The following DGKZ variants were observed in gnomAD, a reference collection of about 807,000 sequenced individuals.
The protein encoded by DGKZ is diacylglycerol kinase zeta.
In DGKZ, 45 loss-of-function variants were observed where a neutral mutation model predicts 142.5. The ratio of observed to expected loss-of-function variants is 0.32; its 90% CI spans 0.25 to 0.40. The LOEUF (loss-of-function observed/expected upper bound fraction) is 0.40, where lower values mean the gene tolerates loss of function less well. DGKZ is among the 10% of genes least tolerant of loss of function. The pLI is 1.00. For synonymous variants in DGKZ, 442 were observed against 527.0 expected, an observed-to-expected ratio of 0.84 and a Z score of 2.21; for missense variants, 755 against 1,306.5, an observed-to-expected ratio of 0.58 and a Z score of 6.51.
rs367886121 is a variant in DGKZ, at chr11:46,366,974, G to A, written c.162-317G>A. The A allele has an allele frequency of 5.9e-4, 903 of 1,529,704 alleles. 5 individuals carry two copies. In the African/African-American group the frequency reaches 0.011, roughly 19 times the overall value. The allele number at this position is 1,529,704 out of a possible 1,614,324, so 94.8% of individuals were successfully genotyped here. On this transcript the variant is annotated intron_variant, in intron 1 of 30. Transcript: ENST00000527911. ...GGCGGCCGGACCCCAGGCCTGGAGC[G>A]CCCTGCTCGCGTAGGTATAGCTGTG...
rs1424352354 is a variant in DGKZ at position 46,364,316 on chromosome 11, G to A, written c.162-2975G>A. ...CCTATTCCTTGGGGTTGCAGTTTAT[G>A]AAATGATCTAAGTGTTTGTCAGGGG... On this transcript the variant is annotated intron_variant, in intron 1 of 30. Transcript: ENST00000527911. 1.1e-5 allele frequency: 14 copies of A among 1,255,642 alleles called. No individual in the cohort carries two copies. In the Admixed American group the frequency reaches 3.2e-4, roughly 29 times the overall value. 77.8% of individuals were successfully genotyped at this position (1,255,642 alleles called of 1,614,324 possible).
At chr11:46,371,384 A>G in exon 7 of DGKZ, 1 of 1,613,728 alleles carries the variant, frequency 6.2e-7, no homozygotes, top group Non-Finnish European at 8.5e-7. Flanking sequence ...GCAAGCAGGC[A>G]GTGAGTGGTG....
At chr11:46,370,045 C>G (rs1381164364) in intron 6 of DGKZ, 36 bp downstream of exon 6, 8 of 1,612,026 alleles carry the variant, frequency 5.0e-6, no homozygotes, top group African/African-American at 1.3e-5. Flanking sequence ...GCCACCTGCA[C>G]CTGCGGTCCT....
chr11:46,369,557 G>A lies in DGKZ; in HGVS notation c.501+7G>A, dbSNP rs1374942614. The A allele has an allele frequency of 6.2e-7, 1 of 1,612,298 alleles. No homozygotes were observed. Among genetic ancestry groups the A allele is most frequent in the Non-Finnish European group, 8.5e-7 (1 of 1,179,928 alleles). On this transcript the variant is annotated splice_region_variant and intron_variant, in intron 5 of 30. Transcript: ENST00000527911. The stretch of plus-strand genomic sequence containing the variant: ...CTCCAGGAATGTCCGCGAGGTAAGT[G>A]CCCAGGGTGGTCAGGGATGGGGCCA...
intron 1 of DGKZ, among the ~76,000 whole-genome samples, chr11:46,359,806 C>G (rs577350063): frequency 2.1e-5 from 3 of 141,332 alleles, no homozygotes; most frequent in African/African-American, 5.3e-5. Context: ...TTAGTAGAGA[C>G]GGGGTTTTGC....
chr11:46,378,593 A>G (rs935228501), intron 27 of DGKZ, 93 bp downstream of exon 27: 1 of 1,523,176 alleles, frequency 6.6e-7, no homozygotes, highest in Non-Finnish European at 9.1e-7. Context: ...TGACCTGCTC[A>G]GGTGCTGTCA....
chr11:46,367,380 G>A lies in DGKZ; in HGVS notation c.251G>A (p.Arg84Gln), dbSNP rs1943432197. The A allele has an allele frequency of 3.1e-6, 5 of 1,613,130 alleles. No individual in the cohort carries two copies. The highest frequency in any genetic ancestry group is 1.7e-5 in the Admixed American group (1 of 60,028). Residue 84 changes from arginine (R) to glutamine (Q), a missense_variant, in exon 2 of 31, where the codon CGG becomes CAG. By Grantham distance (43) the Arg-to-Gln change is conservative (BLOSUM62 1). This residue lies in a region of DGKZ where 81 missense variants were observed against 86.5 expected (regional missense o/e 0.94). Coordinates refer to ENST00000527911, the Ensembl canonical transcript of DGKZ. The surrounding 1 kb of genome is among the most constrained non-coding windows in gnomAD (Gnocchi z 4.1). ...TGCAGCGAGTCAGAGCGGCAGATCC[G>A]GAGTACAGTGGACTGGAGCGTGAGT... is the stretch of plus-strand genomic sequence containing the variant.
At chr11:46,369,686 C>A in intron 5 of DGKZ, 136 bp downstream of exon 5, 1 of 1,210,830 alleles carries the variant, frequency 8.3e-7, no homozygotes, top group Non-Finnish European at 1.2e-6. Context: ...TGAGGTCTGC[C>A]ATGCGGAGGC....
At chr11:46,365,622 T>A in intron 1 of DGKZ, 1 of 985,344 alleles carries the variant, frequency 1.0e-6, no homozygotes, top group Non-Finnish European at 1.2e-6. Flanking sequence ...ACCTTCAGCC[T>A]GACCCCAAGG....
intron 25 of DGKZ, chr11:46,377,491 C>T: frequency 4.1e-6 from 2 of 490,404 alleles, no homozygotes; most frequent in Non-Finnish European, 7.0e-6. Flanking sequence ...TCCTCCCCAC[C>T]CCTACTGCCA....
intron 1 of DGKZ, among the ~76,000 whole-genome samples, chr11:46,342,356 C>T (rs1303402378): frequency 6.6e-6 from 1 of 152,234 alleles, no homozygotes; most frequent in Non-Finnish European, 1.5e-5. Flanking sequence ...GTCAGGACTG[C>T]CCTGCTTCTT....
At chr11:46,347,177 G>C (rs1009572040), upstream of DGKZ, among the ~76,000 whole-genome samples, 3 of 152,156 alleles carry the variant, frequency 2.0e-5, no homozygotes, top group Non-Finnish European at 4.4e-5. This position sits in a 1 kb window ranked among gnomAD's most constrained non-coding sequence, Gnocchi z 6.4. Context: ...GGTAGCGGAG[G>C]GATCGGGGGA....
chr11:46,369,638 C>T (rs1943718615), intron 5 of DGKZ, 88 bp downstream of exon 5: 2 of 1,523,012 alleles, frequency 1.3e-6, no homozygotes, highest in African/African-American at 2.7e-5. Context: ...CACCAGGGGG[C>T]TCGGCTCCCT....
At chr11:46,350,945 G>C (rs749649046) in intron 1 of DGKZ, among the ~76,000 whole-genome samples, 1 of 151,238 alleles carries the variant, frequency 6.6e-6, no homozygotes, top group East Asian at 1.9e-4. Flanking sequence ...ACTTCTTGCC[G>C]GAACTATCAG....
At chr11:46,376,016 G>A (rs1247948094) in intron 21 of DGKZ, 50 bp from the exon 22 acceptor site, 1 of 1,611,996 alleles carries the variant, frequency 6.2e-7, no homozygotes, top group Admixed American at 1.7e-5. Flanking sequence ...GGCCCCCTTG[G>A]GCAGGGCTGT....
intron 1 of DGKZ, chr11:46,333,598 T>C (rs1015014880): frequency 2.3e-5 from 23 of 992,678 alleles, no homozygotes; most frequent in Admixed American, 4.4e-5. Flanking sequence ...GCTGGGAGTT[T>C]AGAGATGACT....
intron 24 of DGKZ, 167 bp from the exon 25 acceptor site, chr11:46,376,906 G>A (rs1590637582): frequency 1.5e-6 from 1 of 671,322 alleles, no homozygotes. Context: ...CGGAGGAGGT[G>A]TCAGGAATGG....
At chr11:46,353,303 T>G (rs1350311906) in intron 1 of DGKZ, among the ~76,000 whole-genome samples, 1 of 152,114 alleles carries the variant, frequency 6.6e-6, no homozygotes, top group African/African-American at 2.4e-5. Context: ...TTAGGAGTAC[T>G]CTTTTCTTCT....
intron 1 of DGKZ, among the ~76,000 whole-genome samples, chr11:46,357,204 C>T (rs1289831733): frequency 1.3e-5 from 2 of 152,160 alleles, no homozygotes; most frequent in African/African-American, 2.4e-5. Context: ...CCAAGGAGCT[C>T]AGGCCAGCTT....
Sources: allele counts gnomAD v4.1 joint callset (sites outside exome capture counted in the v4.1 genomes callset), GRCh38; gene constraint gnomAD v4.1.1; regional missense constraint gnomAD v4.1.1; non-coding constraint Gnocchi (gnomAD v3.1); transcripts MANE v1.5; gene names NCBI Gene and HGNC (gene_info 2026-07-23, HGNC 2026-07-21).